Variants in TP53I11 observed in about 807,000 individuals in gnomAD.
The protein encoded by TP53I11 is tumor protein p53 inducible protein 11, also known as tumor protein p53-inducible protein 11.
A neutral mutation model predicts 23.3 loss-of-function variants in TP53I11; 9 were observed. That is an observed-to-expected ratio of 0.39 (90% CI 0.23 to 0.67). TP53I11 has a LOEUF of 0.67. TP53I11 is among the 30% of genes least tolerant of loss of function. TP53I11 has a pLI of 0.48. For synonymous variants in TP53I11, 100 were observed against 106.1 expected (o/e 0.94, Z 0.35); for missense variants, 170 against 255.2 (o/e 0.67, Z 2.27).
intron 1 of TP53I11, among the ~76,000 whole-genome samples, chr11:44,944,012 C>A (rs1326072118): frequency 6.6e-6 from 1 of 152,152 alleles, no homozygotes; most frequent in Non-Finnish European, 1.5e-5. Flanking sequence ...TTAGGCAGAA[C>A]TGGGTTCAAA....
Position 44,936,470 on chromosome 11 carries a change from C to T in TP53I11, c.334+333G>A. ...GGGGTTTTGCAGACACTGAATTGAT[C>T]TGCCTCTCCTCTAGGCTGTGAATTC... On this transcript the variant is annotated intron_variant, in intron 5 of 6. Coordinates refer to ENST00000525680, the MANE Select transcript of TP53I11 (RefSeq NM_006034.5). The surrounding 1 kb of genome is among the most constrained non-coding windows in gnomAD (Gnocchi z 4.4). 8.1e-7 allele frequency: 1 copy of T among 1,234,904 alleles called. No individual in the cohort carries two copies. The highest frequency in any genetic ancestry group is 1.0e-6 in the Non-Finnish European group (1 of 990,292). 76.5% of individuals were successfully genotyped at this position (1,234,904 alleles called of 1,614,324 possible).
Position 44,936,925 on chromosome 11 carries a change from G to GGTCC in TP53I11, c.238-30_238-27dup. The GGTCC allele has an allele frequency of 1.3e-6, 2 of 1,542,834 alleles. No individual in the cohort carries two copies. The highest frequency in any genetic ancestry group is 1.8e-6 in the Non-Finnish European group (2 of 1,133,082). ...CTGCGGGCAGCGAGAGGGGCTCAGA[G>GGTCC]GTCCCGCTTGGGAGAGGGTGGGGGG... is the stretch of plus-strand genomic sequence containing the variant. On this transcript the variant is annotated intron_variant, in intron 4 of 6. Coordinates refer to ENST00000525680, the MANE Select transcript of TP53I11 (RefSeq NM_006034.5). This position sits in a 1 kb window ranked among gnomAD's most constrained non-coding sequence, Gnocchi z 4.4.
intron 1 of TP53I11, among the ~76,000 whole-genome samples, chr11:44,939,669 G>T (rs528182971): frequency 6.6e-6 from 1 of 152,356 alleles, no homozygotes; most frequent in East Asian, 1.9e-4. Context: ...AAACTGTGGG[G>T]TCTGTGAATA....
intron 1 of TP53I11, among the ~76,000 whole-genome samples, chr11:44,945,921 G>C (rs1172397301): frequency 6.6e-6 from 1 of 152,208 alleles, no homozygotes; most frequent in Non-Finnish European, 1.5e-5. Flanking sequence ...ATGGAGTCTA[G>C]AGATCCCCTA....
chr11:44,935,995 G>A, intron 5 of TP53I11: 1 of 416,094 alleles, frequency 2.4e-6, no homozygotes, highest in Non-Finnish European at 4.3e-6. Context: ...TCTGTCAGGA[G>A]GATGCTGTGT....
At chr11:44,950,966 C>T (rs1471029967), upstream of TP53I11, 1 of 151,828 alleles carries the variant, frequency 6.6e-6, no homozygotes, top group Non-Finnish European at 1.5e-5. Context: ...GGCTGCCTCG[C>T]CCCCAGGGTG....
chr11:44,935,842 C>G, intron 5 of TP53I11, 180 bp from the exon 6 acceptor site: 1 of 607,350 alleles, frequency 1.6e-6, no homozygotes, highest in Non-Finnish European at 2.9e-6. Context: ...ATCCTGTCCC[C>G]TCCAGACTCA....
At position 44,933,426 on chromosome 11, in the gene TP53I11, T is replaced by C. The variant is rs539253207; in HGVS notation, c.*1458A>G. 1 of 151,180 alleles carries C rather than the reference T, an allele frequency of 6.6e-6. No individual in the cohort carries two copies. Among genetic ancestry groups the C allele is most frequent in the Admixed American group, 6.6e-5 (1 of 15,238 alleles). 9.4% of individuals were successfully genotyped at this position (151,180 alleles called of 1,614,324 possible). On this transcript the variant is annotated 3_prime_UTR_variant, in exon 7 of 7. Transcript: ENST00000525680. Reference sequence around the variant, plus strand: ...AGTCTGAGGCCTGGGGCTGCTTTTCTCCCTACACCTGTCCCCAGGGCTTGG... The same window carrying C: ...AGTCTGAGGCCTGGGGCTGCTTTTCCCCCTACACCTGTCCCCAGGGCTTGG...
At chr11:44,937,173 G>A in intron 4 of TP53I11, 131 bp downstream of exon 4, 1 of 1,187,342 alleles carries the variant, frequency 8.4e-7, no homozygotes, top group Middle Eastern at 1.9e-4. Flanking sequence ...GGTTCTCGGA[G>A]GCAGCCCCAG....
chr11:44,945,454 G>A lies in TP53I11; in HGVS notation c.-32+5223C>T, dbSNP rs372526576. 2.6e-4 allele frequency among the ~76,000 whole-genome samples: 39 copies of A among 152,224 alleles called. 1 individual carries two copies. Among genetic ancestry groups the A allele is most frequent in the African/African-American group, 8.9e-4 (37 of 41,554 alleles). On this transcript the variant is annotated intron_variant, in intron 1 of 6. Transcript: ENST00000525680. Reference sequence around the variant, plus strand: ...ACTGTTCTTTAACTGGACATCCTAAGAGAAGCTGATGTGTGTGTGCAATGT... The same window carrying A: ...ACTGTTCTTTAACTGGACATCCTAAAAGAAGCTGATGTGTGTGTGCAATGT...
intron 1 of TP53I11, among the ~76,000 whole-genome samples, chr11:44,941,233 G>C (rs142901637): frequency 6.6e-6 from 1 of 152,200 alleles, no homozygotes; most frequent in Non-Finnish European, 1.5e-5. Context: ...GCCTTGGCCG[G>C]GGGAGGGGGC....
At chr11:44,937,217 G>A in intron 4 of TP53I11, 87 bp downstream of exon 4, 1 of 1,503,804 alleles carries the variant, frequency 6.6e-7, no homozygotes, top group Non-Finnish European at 9.0e-7. Flanking sequence ...CGAGGGGCCA[G>A]GATGGAGGAG....
At chr11:44,941,499 C>T (rs897757179) in intron 1 of TP53I11, among the ~76,000 whole-genome samples, 11 of 152,148 alleles carry the variant, frequency 7.2e-5, no homozygotes, top group Admixed American at 7.2e-4. Flanking sequence ...GCTGTGTGCC[C>T]GTGGGCAGGT....
chr11:44,932,477 G>A lies in TP53I11; in HGVS notation c.*2407C>T, dbSNP rs1397482361. 6.6e-6 allele frequency: 1 copy of A among 152,352 alleles called. No individual in the cohort carries two copies. Among genetic ancestry groups the A allele is most frequent in the Non-Finnish European group, 1.5e-5 (1 of 68,108 alleles). The allele number at this position is 152,352 out of a possible 1,614,324, so 9.4% of individuals were successfully genotyped here. On this transcript the variant is annotated 3_prime_UTR_variant, in exon 7 of 7. Coordinates refer to ENST00000525680, the MANE Select transcript of TP53I11 (RefSeq NM_006034.5). ...ATAGACTGGGGCGAGGCAGAAGCTT[G>A]ACAAGAGGCTGCTGATGGCTGGAGG...
chr11:44,941,943 C>T (rs116044308), intron 1 of TP53I11, among the ~76,000 whole-genome samples: 2,619 of 90,674 alleles, frequency 0.029, 78 homozygotes, highest in African/African-American at 0.096. Context: ...TCTCCACCAA[C>T]ACATGCACAC....
At chr11:44,937,027 T>C in intron 4 of TP53I11, 128 bp from the exon 5 acceptor site, 1 of 794,242 alleles carries the variant, frequency 1.3e-6, no homozygotes, top group South Asian at 1.8e-5. Context: ...CAGTCCAGGG[T>C]CTGGACCCAA....
chr11:44,943,187 T>C (rs756303345), intron 1 of TP53I11: 3 of 152,070 alleles, frequency 2.0e-5, no homozygotes, highest in Non-Finnish European at 4.4e-5. Context: ...AAAGAAGGAG[T>C]GCACGTGGGC....
chr11:44,938,424 G>A, intron 1 of TP53I11, 58 bp from the exon 2 acceptor site: 2 of 1,442,346 alleles, frequency 1.4e-6, no homozygotes, highest in Admixed American at 2.7e-5. Context: ...GACCCTAGGG[G>A]AAGGGGCCTG....
At chr11:44,937,496 G>A (rs977852843) in intron 3 of TP53I11, 59 bp downstream of exon 3, 23 of 1,592,754 alleles carry the variant, frequency 1.4e-5, no homozygotes, top group Non-Finnish European at 1.8e-5. Context: ...GAGGTCTTAT[G>A]CATTCTGCCC....
Sources: allele counts gnomAD v4.1 joint callset (sites outside exome capture counted in the v4.1 genomes callset), GRCh38; gene constraint gnomAD v4.1.1; non-coding constraint Gnocchi (gnomAD v3.1); transcripts MANE v1.5; gene names NCBI Gene and HGNC (gene_info 2026-07-23, HGNC 2026-07-21).